MBP: variants seen among roughly 807,000 people sequenced by gnomAD.
MBP encodes the protein myelin basic protein.
In MBP, 16 loss-of-function variants were observed where a neutral mutation model predicts 35.8. The observed-to-expected ratio is 0.45, with a 90% CI of 0.30 to 0.68. MBP has a LOEUF of 0.68. MBP is among the 30% of genes least tolerant of loss of function. MBP has a pLI of 0.08. For missense variants in MBP, 380 were observed against 404.7 expected (o/e 0.94, Z 0.52); for synonymous variants, 143 against 159.6 (o/e 0.90, Z 0.78).
At chr18:76,995,395 G>A (rs755856141) in intron 4 of MBP, among the ~76,000 whole-genome samples, 54 of 152,118 alleles carry the variant, frequency 3.5e-4, no homozygotes, top group Non-Finnish European at 5.7e-4. Flanking sequence ...TTGTGAAAAG[G>A]ACACATAAAG....
chr18:77,039,908 C>T (rs544481330), intron 3 of MBP, among the ~76,000 whole-genome samples: 2 of 152,324 alleles, frequency 1.3e-5, no homozygotes, highest in African/African-American at 4.8e-5. Flanking sequence ...ACAGCCAGGA[C>T]CTCTGAGTCA....
rs1973149268 is a variant in MBP, at chr18:77,044,539, C to T, written c.139+21759G>A. ...CGTCCCTGGAAAGCCCTCTCCAGGG[C>T]CCTCGGCCTCGCTGTCTCACATCAC... On this transcript the variant is annotated intron_variant, in intron 3 of 8. Coordinates refer to ENST00000355994, the MANE Select transcript of MBP (RefSeq NM_001025101.2). The surrounding 1 kb of genome is among the most constrained non-coding windows in gnomAD (Gnocchi z 4.4). Among the ~76,000 whole-genome samples, 1 of 152,134 alleles carries T rather than the reference C, an allele frequency of 6.6e-6. No homozygotes were observed. Among genetic ancestry groups the T allele is most frequent in the Non-Finnish European group, 1.5e-5 (1 of 68,036 alleles).
At chr18:77,041,867 A>G (rs1052374664) in intron 3 of MBP, among the ~76,000 whole-genome samples, 1 of 151,734 alleles carries the variant, frequency 6.6e-6, no homozygotes, top group African/African-American at 2.4e-5. Context: ...AACATGGCAC[A>G]TGTATACATA....
chr18:77,018,218 C>T (rs1046993693), intron 3 of MBP, among the ~76,000 whole-genome samples: 7 of 147,630 alleles, frequency 4.7e-5, no homozygotes, highest in Non-Finnish European at 8.9e-5. Context: ...TGCATCCATC[C>T]ATCCCCCATC....
chr18:76,997,960 G>T (rs1184121379), intron 4 of MBP, among the ~76,000 whole-genome samples: 1 of 152,190 alleles, frequency 6.6e-6, no homozygotes, highest in African/African-American at 2.4e-5. Flanking sequence ...GGGATTACAG[G>T]CGTGAGCCAC....
chr18:77,104,554 T>C (rs1976180806), intron 2 of MBP, among the ~76,000 whole-genome samples: 1 of 152,022 alleles, frequency 6.6e-6, no homozygotes, highest in Admixed American at 6.5e-5. Flanking sequence ...CAGAGCAAAC[T>C]CCATGGTGGG....
chr18:77,028,739 A>G (rs768677313), intron 3 of MBP, among the ~76,000 whole-genome samples: 1,057 of 87,634 alleles, frequency 0.012, 147 homozygotes, highest in Non-Finnish European at 0.021. Flanking sequence ...GCGGCTGGCC[A>G]GGCGGGGGGC....
chr18:77,035,454 TTCAG>T (rs1972724672), intron 3 of MBP, among the ~76,000 whole-genome samples: 1 of 152,260 alleles, frequency 6.6e-6, no homozygotes, highest in Non-Finnish European at 1.5e-5. Flanking sequence ...CAAAATGTGC[TTCAG>T]TCAAAGATGC....
At chr18:76,997,894 G>A (rs112470005) in intron 4 of MBP, among the ~76,000 whole-genome samples, 85 of 152,020 alleles carry the variant, frequency 5.6e-4, no homozygotes, top group African/African-American at 2.0e-3. Context: ...GTGTTAGCCA[G>A]GATGGTCTCG....
chr18:77,012,758 A>C, intron 4 of MBP: 1 of 984,872 alleles, frequency 1.0e-6, no homozygotes, highest in Non-Finnish European at 1.2e-6. Context: ...AAAACGACAA[A>C]TTAAAGAAGT....
chr18:77,023,671 G>A (rs1376907930), intron 3 of MBP, among the ~76,000 whole-genome samples: 1 of 152,100 alleles, frequency 6.6e-6, no homozygotes, highest in Admixed American at 6.5e-5. Context: ...CTCCTCCGTG[G>A]CGCCATGTGC....
chr18:77,032,188 GACGCT>G (rs1972566160), intron 3 of MBP, among the ~76,000 whole-genome samples: 1 of 152,222 alleles, frequency 6.6e-6, no homozygotes, highest in Non-Finnish European at 1.5e-5. Flanking sequence ...GGCCAAAGAG[GACGCT>G]CCTTGTTTGT....
At chr18:77,014,067 C>T (rs2123440630) in intron 4 of MBP, 1 of 985,450 alleles carries the variant, frequency 1.0e-6, no homozygotes, top group East Asian at 1.1e-4. Context: ...GAAACCTGTT[C>T]CTTAAAGGCA....
chr18:76,991,193 A>G (rs190990960), intron 4 of MBP, among the ~76,000 whole-genome samples: 1 of 147,966 alleles, frequency 6.8e-6, no homozygotes, highest in East Asian at 2.1e-4. Flanking sequence ...TGATTTGGGA[A>G]TATCACTTCC....
chr18:77,076,180 G>A (rs761713900), intron 2 of MBP, among the ~76,000 whole-genome samples: 1 of 152,218 alleles, frequency 6.6e-6, no homozygotes, highest in Admixed American at 6.5e-5. Flanking sequence ...CTTGTCCCAC[G>A]GAGAAGTGAG....
intron 3 of MBP, among the ~76,000 whole-genome samples, chr18:77,041,131 A>G (rs1243771110): frequency 6.6e-6 from 1 of 152,258 alleles, no homozygotes; most frequent in Non-Finnish European, 1.5e-5. Flanking sequence ...ATGAACAGAC[A>G]CTTCTCAAAA....
intron 2 of MBP, among the ~76,000 whole-genome samples, chr18:77,069,693 G>A (rs576885843): frequency 6.0e-4 from 91 of 152,324 alleles, no homozygotes; most frequent in African/African-American, 1.7e-3. Context: ...CCACTTCCCT[G>A]TATCCACTTC....
intron 2 of MBP, among the ~76,000 whole-genome samples, chr18:77,087,108 A>G (rs1296679427): frequency 6.6e-6 from 1 of 152,126 alleles, no homozygotes; most frequent in African/African-American, 2.4e-5. Context: ...ACGAAGACAC[A>G]TGCTTTTGGA....
At chr18:77,014,406 T>C in intron 4 of MBP, 7 of 985,378 alleles carry the variant, frequency 7.1e-6, no homozygotes, top group Non-Finnish European at 7.2e-6. Flanking sequence ...GAAAACCTCG[T>C]TCTAGATAGG....
Sources: allele counts gnomAD v4.1 joint callset (sites outside exome capture counted in the v4.1 genomes callset), GRCh38; gene constraint gnomAD v4.1.1; non-coding constraint Gnocchi (gnomAD v3.1); transcripts MANE v1.5; gene names NCBI Gene and HGNC (gene_info 2026-07-23, HGNC 2026-07-21).